The following UNC13C variants were observed in gnomAD, a reference collection of about 807,000 sequenced individuals.
The protein encoded by UNC13C is unc-13 homolog C.
Under a neutral mutation model 245.4 loss-of-function variants are expected in UNC13C, and 174 were observed. The observed-to-expected ratio is 0.71, with a 90% confidence interval of 0.63 to 0.80. The LOEUF (loss-of-function observed/expected upper bound fraction) is 0.80. UNC13C is among the 30% of genes least tolerant of loss of function. The pLI is 0.00. For missense variants in UNC13C, 2,829 were observed against 2,602.9 expected (o/e 1.09, Z -1.89); for synonymous variants, 992 against 895.1 (o/e 1.11, Z -1.93).
Position 54,250,328 on chromosome 15 carries a change from G to C in UNC13C, c.3332G>C (p.Cys1111Ser). The C allele has an allele frequency of 1.2e-6, 2 of 1,613,910 alleles. No individual in the cohort carries two copies. The highest frequency in any genetic ancestry group is 1.7e-6 in the Non-Finnish European group (2 of 1,179,854). The stretch of plus-strand genomic sequence containing the variant: ...TGGACGGCTACCACACCCACCTACT[G>C]TTATGAGTGTGAAGGGCTCCTGTGG... The part of the protein sequence containing the change: ...EVWTATTPTY[C>S]YECEGLLWGI... Residue 1111 changes from cysteine (C) to serine (S), a missense_variant, in exon 8 of 33, where the codon TGT (cysteine) becomes TCT (serine). Physicochemically the swap from Cys to Ser is moderately radical, Grantham distance 112. Coordinates refer to ENST00000260323, the MANE Select transcript of UNC13C (RefSeq NM_001080534.3).
At chr15:54,311,924 CAT>C (rs1024125273) in intron 13 of UNC13C, among the ~76,000 whole-genome samples, 2 of 151,724 alleles carry the variant, frequency 1.3e-5, no homozygotes, top group African/African-American at 4.8e-5. Flanking sequence ...GAATAAAAAA[CAT>C]GTTAAATTAT....
intron 2 of UNC13C, among the ~76,000 whole-genome samples, chr15:54,021,356 ACC>A (rs1895897376): frequency 6.6e-6 from 1 of 151,940 alleles, no homozygotes; most frequent in Non-Finnish European, 1.5e-5. Context: ...CTCTACCCCA[ACC>A]CTTAGCCTCA....
chr15:54,617,348 AAG>A (rs1900507912), intron 30 of UNC13C, among the ~76,000 whole-genome samples: 1 of 152,120 alleles, frequency 6.6e-6, no homozygotes, highest in African/African-American at 2.4e-5. Context: ...TGATGTAAAA[AAG>A]AAAAAAGTGG....
chr15:54,032,237 G>A (rs1290657437), intron 2 of UNC13C, among the ~76,000 whole-genome samples: 2 of 152,142 alleles, frequency 1.3e-5, no homozygotes, highest in East Asian at 1.9e-4. Flanking sequence ...TTCATTTTTA[G>A]TATGAACGAT....
chr15:54,400,717 C>A (rs771127812), intron 18 of UNC13C, among the ~76,000 whole-genome samples: 1 of 152,046 alleles, frequency 6.6e-6, no homozygotes, highest in Admixed American at 6.6e-5. Context: ...CTTCAGAATT[C>A]GCTATTTTAT....
intron 2 of UNC13C, among the ~76,000 whole-genome samples, chr15:54,113,633 T>TGA (rs2029992084): frequency 2.0e-5 from 3 of 152,110 alleles, no homozygotes; most frequent in Non-Finnish European, 4.4e-5. Flanking sequence ...AAGATCATCG[T>TGA]ACCTAATACT....
chr15:54,338,566 A>G, intron 17 of UNC13C, 77 bp downstream of exon 17: 1 of 1,481,266 alleles, frequency 6.8e-7, no homozygotes, highest in South Asian at 1.3e-5. Flanking sequence ...GCATAATAGT[A>G]AATAGAAAAG....
At chr15:54,435,265 A>G (rs1052703324) in intron 19 of UNC13C, among the ~76,000 whole-genome samples, 1 of 152,168 alleles carries the variant, frequency 6.6e-6, no homozygotes, top group African/African-American at 2.4e-5. Flanking sequence ...ATTCTATTAC[A>G]AAGACACATG....
chr15:54,409,395 G>C (rs1316464785), intron 18 of UNC13C, among the ~76,000 whole-genome samples: 1 of 151,896 alleles, frequency 6.6e-6, no homozygotes, highest in Non-Finnish European at 1.5e-5. Context: ...TTTTATGTGA[G>C]GTTCAGTGGG....
At chr15:54,161,442 G>A (rs1309313341) in intron 4 of UNC13C, among the ~76,000 whole-genome samples, 1 of 152,054 alleles carries the variant, frequency 6.6e-6, no homozygotes, top group Non-Finnish European at 1.5e-5. Flanking sequence ...CAATGATTTT[G>A]TCTAGTGAAA....
In UNC13C at chr15:54,326,155, A is replaced by G. The variant is rs945048238; in HGVS notation, c.4425+4060A>G. ...TTGCAGAGAACACTAAGCTTTTGAT[A>G]TAGAAGTGAAAAGTTGGGGTAGTTG... On this transcript the variant is annotated intron_variant, in intron 14 of 32. Coordinates refer to ENST00000260323, the MANE Select transcript of UNC13C (RefSeq NM_001080534.3). Among the ~76,000 whole-genome samples the G allele has an allele frequency of 2.0e-5, 3 of 152,114 alleles. 1 individual carries two copies. The highest frequency in any genetic ancestry group is 4.1e-4 in the South Asian group (2 of 4,822).
At chr15:54,438,109 A>G (rs532928173) in intron 19 of UNC13C, among the ~76,000 whole-genome samples, 1 of 151,996 alleles carries the variant, frequency 6.6e-6, no homozygotes, top group African/African-American at 2.4e-5. Flanking sequence ...AGGAAAGCCT[A>G]TAGACTCATC....
intron 2 of UNC13C, among the ~76,000 whole-genome samples, chr15:54,135,892 A>C (rs1055031549): frequency 1.3e-5 from 2 of 152,130 alleles, no homozygotes; most frequent in Non-Finnish European, 2.9e-5. Context: ...TGAAAAAGCC[A>C]TGGGAATTTT....
At chr15:54,471,316 T>G (rs1342341896) in intron 19 of UNC13C, among the ~76,000 whole-genome samples, 1 of 151,648 alleles carries the variant, frequency 6.6e-6, no homozygotes, top group Non-Finnish European at 1.5e-5. Context: ...ACAATGATTG[T>G]GTTGCAGTCT....
the UNC13C span, among the ~76,000 whole-genome samples, chr15:53,861,428 GT>G: frequency 6.6e-6 from 1 of 150,770 alleles, no homozygotes; most frequent in South Asian, 2.1e-4. Flanking sequence ...TTTTTTGCGT[GT>G]TGTTATTTTT....
At chr15:53,929,085 G>A in the UNC13C span, among the ~76,000 whole-genome samples, 19 of 152,302 alleles carry the variant, frequency 1.2e-4, no homozygotes, top group Admixed American at 9.8e-4. Flanking sequence ...TGGATTCACG[G>A]TTCCACACTG....
At chr15:54,143,450 T>C (rs960273866) in intron 3 of UNC13C, among the ~76,000 whole-genome samples, 170 bp from the exon 4 acceptor site, 10 of 152,204 alleles carry the variant, frequency 6.6e-5, no homozygotes, top group Admixed American at 5.2e-4. Flanking sequence ...TTTCAAAACC[T>C]CTACTCATAA....
At chr15:54,055,742 A>C (rs548114026) in intron 2 of UNC13C, among the ~76,000 whole-genome samples, 5 of 152,298 alleles carry the variant, frequency 3.3e-5, no homozygotes, top group South Asian at 4.1e-4. Context: ...GTTTTCTAGA[A>C]AGACATTGAT....
chr15:54,362,894 G>A (rs1378235702), intron 17 of UNC13C, among the ~76,000 whole-genome samples: 3 of 152,162 alleles, frequency 2.0e-5, no homozygotes, highest in Non-Finnish European at 2.9e-5. Context: ...ATGAGAAGAA[G>A]GCATATAAAG....
Sources: gnomAD v4.1 joint callset for allele counts (sites outside exome capture counted in the v4.1 genomes callset) on GRCh38, gnomAD v4.1.1 for gene constraint, MANE v1.5 for transcripts, NCBI Gene and HGNC (gene_info 2026-07-23, HGNC 2026-07-21) for gene names.